Variants in RCOR1 observed in about 807,000 individuals in gnomAD.
The protein encoded by RCOR1 is REST corepressor.
In RCOR1, 12 loss-of-function variants were observed where a neutral mutation model predicts 64.0. The ratio of observed to expected loss-of-function variants is 0.19; its 90% CI spans 0.12 to 0.30. The LOEUF is 0.30. Among genes scored for constraint, RCOR1 ranks in the 10% least tolerant of loss-of-function variants. RCOR1 has a pLI of 1.00. For synonymous variants in RCOR1, 279 were observed against 227.2 expected (o/e 1.23, Z -2.05); for missense variants, 502 against 621.2 (o/e 0.81, Z 2.04).
In RCOR1 at chr14:102,708,706, A is replaced by G. The variant is rs1335947621; in HGVS notation, c.779+123A>G. 1.2e-5 allele frequency: 8 copies of G among 642,430 alleles called. No homozygotes were observed. In the East Asian group the frequency reaches 2.1e-4, roughly 17 times the overall value. The allele number at this position is 642,430 out of a possible 1,614,324, so 39.8% of individuals were successfully genotyped here. On this transcript the variant is annotated intron_variant, in intron 6 of 11. Coordinates refer to ENST00000262241, the MANE Select transcript of RCOR1 (RefSeq NM_015156.4). ...GCCTTCCTGGTGGAACCACATGTTC[A>G]TGAGATGTATTAGAGCGTGTCACAT...
At chr14:102,686,693 A>G (rs147219741) in intron 3 of RCOR1, among the ~76,000 whole-genome samples, 1,561 of 152,308 alleles carry the variant, frequency 0.01, 16 homozygotes, top group Admixed American at 0.015. Flanking sequence ...AGCCTTTTCA[A>G]ATTGGCTTCT....
chr14:102,704,378 C>G (rs768072997), intron 4 of RCOR1, among the ~76,000 whole-genome samples: 3 of 152,208 alleles, frequency 2.0e-5, no homozygotes, highest in Non-Finnish European at 2.9e-5. Flanking sequence ...GTTGGATTTA[C>G]TTTTACAAAA....
chr14:102,671,502 C>T (rs933832905), intron 2 of RCOR1, among the ~76,000 whole-genome samples: 92 of 152,190 alleles, frequency 6.0e-4, no homozygotes, highest in African/African-American at 2.1e-3. Context: ...CTCAAGCAAT[C>T]CTTTAGCCTC....
At chr14:102,609,024 A>G (rs1595192562) in intron 2 of RCOR1, among the ~76,000 whole-genome samples, 2 of 123,562 alleles carry the variant, frequency 1.6e-5, no homozygotes, top group Non-Finnish European at 3.4e-5. Context: ...TCTGTGCTTC[A>G]CTTTTTTTTT....
chr14:102,610,013 C>G (rs1240873221), intron 2 of RCOR1, among the ~76,000 whole-genome samples: 3 of 151,902 alleles, frequency 2.0e-5, no homozygotes, highest in African/African-American at 7.2e-5. Flanking sequence ...GGGAGTAGTT[C>G]CAGCTACTCG....
rs534414473 is a variant in RCOR1, at chr14:102,727,042, C to G, written c.*536C>G. ...TATATATTGCCAGACTGCATCATAA[C>G]CTTTATCATGCCAAGCATCCTGATG... On this transcript the variant is annotated 3_prime_UTR_variant, in exon 12 of 12. Transcript: ENST00000262241. 6.6e-6 allele frequency: 1 copy of G among 152,668 alleles called. No individual in the cohort carries two copies. Among genetic ancestry groups the G allele is most frequent in the South Asian group, 2.1e-4 (1 of 4,846 alleles). The allele number at this position is 152,668 out of a possible 1,614,324, so 9.5% of individuals were successfully genotyped here.
chr14:102,703,058 C>T (rs1482607887), intron 4 of RCOR1, among the ~76,000 whole-genome samples: 1 of 152,142 alleles, frequency 6.6e-6, no homozygotes, highest in East Asian at 1.9e-4. Context: ...AAATGAAATT[C>T]TAGACCCTAA....
chr14:102,721,538 G>A, intron 10 of RCOR1, 161 bp downstream of exon 10: 2 of 437,292 alleles, frequency 4.6e-6, no homozygotes, highest in Non-Finnish European at 8.2e-6. Context: ...ACAACAGAGG[G>A]AGACCCTGAC....
intron 4 of RCOR1, among the ~76,000 whole-genome samples, chr14:102,706,950 G>T (rs1178089195): frequency 1.3e-5 from 2 of 151,672 alleles, no homozygotes; most frequent in East Asian, 3.8e-4. Context: ...ACCTTCCCTT[G>T]TTGCTGTACC....
At chr14:102,673,804 A>T (rs976923813) in intron 2 of RCOR1, among the ~76,000 whole-genome samples, 1 of 151,932 alleles carries the variant, frequency 6.6e-6, no homozygotes, top group African/African-American at 2.4e-5. Context: ...TAGTAGAGAC[A>T]GGGTTTCTCC....
intron 2 of RCOR1, among the ~76,000 whole-genome samples, chr14:102,666,354 A>T (rs2139944654): frequency 6.6e-6 from 1 of 152,366 alleles, no homozygotes; most frequent in Admixed American, 6.5e-5. Flanking sequence ...TTTTAGATTT[A>T]CAGGAAAGTT....
chr14:102,619,317 A>T (rs1893824602), intron 2 of RCOR1, among the ~76,000 whole-genome samples: 1 of 151,968 alleles, frequency 6.6e-6, no homozygotes, highest in Admixed American at 6.6e-5. Flanking sequence ...TTGGGGTTTC[A>T]CCATGTTGGT....
chr14:102,618,232 C>G (rs1893803844), intron 2 of RCOR1, among the ~76,000 whole-genome samples: 1 of 151,244 alleles, frequency 6.6e-6, no homozygotes, highest in South Asian at 2.1e-4. Flanking sequence ...CTGCCTCGGC[C>G]TCCCAAAGTG....
intron 2 of RCOR1, chr14:102,629,927 T>C: frequency 1.2e-6 from 1 of 855,448 alleles, no homozygotes; most frequent in Non-Finnish European, 1.4e-6. Flanking sequence ...GAACTCAGCT[T>C]GAAGTGACTT....
intron 2 of RCOR1, chr14:102,643,475 T>G: frequency 4.1e-6 from 1 of 245,564 alleles, no homozygotes; most frequent in Non-Finnish European, 6.5e-6. Context: ...GTAATTACCT[T>G]GCCAGAACTG....
chr14:102,615,567 G>C (rs1224909916), intron 2 of RCOR1, among the ~76,000 whole-genome samples: 1 of 150,888 alleles, frequency 6.6e-6, no homozygotes, highest in Non-Finnish European at 1.5e-5. Context: ...TCCTGCCTCA[G>C]CCTCCCAAGT....
chr14:102,691,841 A>T (rs1895539474), intron 3 of RCOR1, among the ~76,000 whole-genome samples: 1 of 152,340 alleles, frequency 6.6e-6, no homozygotes, highest in South Asian at 2.1e-4. Context: ...TTGACAGTGG[A>T]CATCCATTAT....
intron 2 of RCOR1, among the ~76,000 whole-genome samples, chr14:102,608,626 G>T: frequency 6.6e-6 from 1 of 151,848 alleles, no homozygotes; most frequent in South Asian, 2.1e-4. Flanking sequence ...GTAGAAATGG[G>T]GTTTCACCAT....
At chr14:102,678,110 G>A (rs1895229037) in intron 2 of RCOR1, among the ~76,000 whole-genome samples, 1 of 151,806 alleles carries the variant, frequency 6.6e-6, no homozygotes, top group Non-Finnish European at 1.5e-5. Context: ...GGCTGAGGCA[G>A]GAGAATCAGG....
Sources: allele counts gnomAD v4.1 joint callset (sites outside exome capture counted in the v4.1 genomes callset), GRCh38; gene constraint gnomAD v4.1.1; transcripts MANE v1.5; gene names NCBI Gene and HGNC (gene_info 2026-07-23, HGNC 2026-07-21).